KLC4: variants seen among roughly 807,000 people sequenced by gnomAD.
KLC4 encodes the protein kinesin-like protein 8.
Under a neutral mutation model 77.2 loss-of-function variants are expected in KLC4, and 49 were observed. That is an observed-to-expected ratio of 0.63 (90% CI 0.50 to 0.80). The LOEUF (loss-of-function observed/expected upper bound fraction) is 0.80. Among genes scored for constraint, KLC4 ranks in the 30% least tolerant of loss-of-function variants. KLC4 has a pLI of 0.00. For synonymous variants in KLC4, 274 were observed against 314.5 expected (o/e 0.87, Z 1.36); for missense variants, 669 against 793.5 (o/e 0.84, Z 1.89).
rs1218556426 is a variant in KLC4 at position 43,070,561 on chromosome 6, C to T, written c.981+106C>T. 5 of 1,382,794 alleles carry T rather than the reference C, an allele frequency of 3.6e-6. No individual in the cohort carries two copies. The East Asian group carries it at 7.0e-5, about 19-fold the overall frequency. 85.7% of individuals were successfully genotyped at this position (1,382,794 alleles called of 1,614,324 possible). On this transcript the variant is annotated intron_variant, in intron 7 of 15. Transcript: ENST00000347162. Reference sequence around the variant, plus strand: ...CACTTTTTTTTTCTCACCCCCATCTCTGCTTTGTTCTCTCTTCCTTCATTC... The same window carrying T: ...CACTTTTTTTTTCTCACCCCCATCTTTGCTTTGTTCTCTCTTCCTTCATTC...
At chr6:43,072,498 G>T (rs1765781702) in intron 12 of KLC4, among the ~76,000 whole-genome samples, 1 of 152,128 alleles carries the variant, frequency 6.6e-6, no homozygotes, top group Non-Finnish European at 1.5e-5. Context: ...GAGAAACCCT[G>T]CCCTTTCATA....
chr6:43,060,324 A>G (rs775991907), intron 1 of KLC4: 4 of 1,581,280 alleles, frequency 2.5e-6, no homozygotes, highest in Non-Finnish European at 3.5e-6. Flanking sequence ...CCTGGGAGAC[A>G]GTAGCTCCCT....
At chr6:43,060,674 G>T in intron 1 of KLC4, 1 of 1,052,168 alleles carries the variant, frequency 9.5e-7, no homozygotes, top group South Asian at 2.5e-5. Context: ...GAGTCCTGGG[G>T]GGTGGGAAGT....
intron 1 of KLC4, chr6:43,060,171 C>T (rs1392255622): frequency 6.2e-7 from 1 of 1,612,836 alleles, no homozygotes; most frequent in Admixed American, 1.7e-5. Flanking sequence ...TGATTCCTCT[C>T]AGAGCCTGTT....
In KLC4 at chr6:43,059,696, G is replaced by A. The variant is rs369401741; in HGVS notation, c.-26+11G>A. 4 of 1,312,346 alleles carry A rather than the reference G, an allele frequency of 3.0e-6. No homozygotes were observed. In the African/African-American group the frequency reaches 6.0e-5, roughly 20 times the overall value. 81.3% of individuals were successfully genotyped at this position (1,312,346 alleles called of 1,614,324 possible). On this transcript the variant is annotated intron_variant, in intron 1 of 15. Coordinates refer to ENST00000347162, the MANE Select transcript of KLC4 (RefSeq NM_201521.3). ...ACCGGCAGATTGCAGGTGAGTCTTT[G>A]AGGGTATCCTGGGGCTGAAGGTTAA...
At chr6:43,072,041 C>T (rs1236198861) in intron 11 of KLC4, 106 bp from the exon 12 acceptor site, 2 of 1,382,896 alleles carry the variant, frequency 1.4e-6, no homozygotes, top group South Asian at 1.2e-5. Flanking sequence ...AGCTCTGTTC[C>T]CTCTCCTATT....
chr6:43,059,668 C>T lies in KLC4; in HGVS notation c.-43C>T. 7.4e-7 allele frequency: 1 copy of T among 1,348,454 alleles called. No homozygotes were observed. The highest frequency in any genetic ancestry group is 9.5e-7 in the Non-Finnish European group (1 of 1,052,912). 83.5% of individuals were successfully genotyped at this position (1,348,454 alleles called of 1,614,324 possible). A position where few individuals can be genotyped will look rare whatever the true frequency, so the allele number is the denominator to read the frequency against. On this transcript the variant is annotated 5_prime_UTR_variant, in exon 1 of 16. Coordinates refer to ENST00000347162, the MANE Select transcript of KLC4 (RefSeq NM_201521.3). Reference sequence around the variant, plus strand: ...GGGCAGTACCGGCAAGAGCGGCAGCCACACCGGCAGATTGCAGGTGAGTCT... The same window carrying T: ...GGGCAGTACCGGCAAGAGCGGCAGCTACACCGGCAGATTGCAGGTGAGTCT...
In KLC4 at chr6:43,067,067, G is replaced by A. The variant is rs1358628186; in HGVS notation, c.863G>A (p.Gly288Glu). ...DALSIRESTL[G>E]PDHPAVAATL... ...CTTAGCATCCGGGAGAGCACCTTGG[G>A]ACCTGACCATCCTGCTGTCAGTATT... The change falls in exon 6 of 16, where the codon GGA becomes GAA. Residue 288 changes from glycine to glutamate, a missense_variant. Physicochemically the swap from Gly to Glu is moderately conservative, Grantham distance 98 (BLOSUM62 -2). Transcript: ENST00000347162. 1 of 1,613,922 alleles carries A rather than the reference G, an allele frequency of 6.2e-7. No individual in the cohort carries two copies. The highest frequency in any genetic ancestry group is 2.2e-5 in the East Asian group (1 of 44,886).
chr6:43,071,226 T>C, intron 8 of KLC4, 49 bp from the exon 9 acceptor site: 1 of 1,071,452 alleles, frequency 9.3e-7, no homozygotes, highest in South Asian at 1.4e-5. Context: ...AAAAAGACCT[T>C]GCCTCCCTCC....
Position 43,063,207 on chromosome 6 carries a change from G to C in KLC4, c.489+60G>C. On this transcript the variant is annotated intron_variant, in intron 3 of 15. Transcript: ENST00000347162. ...GGCAGCCGGGAGTTACCACAGACAT[G>C]GGGGCAATTGCCCCATCATCCTCAG... 3.1e-6 allele frequency: 4 copies of C among 1,279,128 alleles called. No homozygotes were observed. The South Asian group carries it at 5.3e-5, about 17-fold the overall frequency. 79.2% of individuals were successfully genotyped at this position (1,279,128 alleles called of 1,614,324 possible). A position where few individuals can be genotyped will look rare whatever the true frequency, so the allele number is the denominator to read the frequency against.
Position 43,063,240 on chromosome 6 carries a change from C to G in KLC4, c.489+93C>G, listed in dbSNP as rs550248550. ...TTGCCCCATCATCCTCAGGGTCCAT[C>G]AGCTCTACCCAACCTGCTCTCACCT... is the stretch of plus-strand genomic sequence containing the variant. On this transcript the variant is annotated intron_variant, in intron 3 of 15. Coordinates refer to ENST00000347162, the MANE Select transcript of KLC4 (RefSeq NM_201521.3). The G allele has an allele frequency of 2.7e-5, 25 of 915,234 alleles. No individual in the cohort carries two copies. The Admixed American group carries it at 4.2e-4, about 15-fold the overall frequency. 56.7% of individuals were successfully genotyped at this position (915,234 alleles called of 1,614,324 possible). A position where few individuals can be genotyped will look rare whatever the true frequency, so the allele number is the denominator to read the frequency against.
chr6:43,072,222 C>A lies in KLC4; in HGVS notation c.1455C>A (p.Thr485=). ...RRQGKLEAAE[T]LEECALRSRR... ...AGGGAAAGCTGGAGGCTGCTGAGAC[C>A]CTGGAGGAATGTGCCCTGCGGTCCC... The change falls in exon 12 of 16, where the codon ACC becomes ACA. Residue 485 remains threonine, a synonymous_variant. Coordinates refer to ENST00000347162, the MANE Select transcript of KLC4 (RefSeq NM_201521.3). 6.2e-7 allele frequency: 1 copy of A among 1,614,070 alleles called. No homozygotes were observed.
intron 1 of KLC4, chr6:43,060,502 T>G: frequency 7.5e-7 from 1 of 1,333,350 alleles, no homozygotes; most frequent in Non-Finnish European, 9.7e-7. Context: ...ACGCTGGACT[T>G]CTGGACTTTG....
In KLC4 at chr6:43,073,299, TG is replaced by T; in HGVS notation, c.1708del (p.Val570Ter). On this transcript the variant is annotated frameshift_variant, in exon 14 of 16. Transcript: ENST00000347162. LOFTEE classifies it high-confidence loss of function. ...GTGCTCCGCAGAAGCAGTGAACTCT[TG>T]GTGAGGAAGCTCCAGGGGACTGAGC... ...RDVLRRSSEL[L>X]VRKLQGTEPR... 6.2e-7 allele frequency: 1 copy of T among 1,614,040 alleles called. No individual in the cohort carries two copies. The highest frequency in any genetic ancestry group is 2.2e-5 in the East Asian group (1 of 44,866).
At chr6:43,069,071 G>A (rs1026724651) in intron 6 of KLC4, among the ~76,000 whole-genome samples, 2 of 152,022 alleles carry the variant, frequency 1.3e-5, no homozygotes, top group South Asian at 2.1e-4. Flanking sequence ...TCGCACCATT[G>A]CACTTCAACC....
At chr6:43,067,685 C>A (rs1292317700) in intron 6 of KLC4, among the ~76,000 whole-genome samples, 1 of 150,010 alleles carries the variant, frequency 6.7e-6, no homozygotes, top group Non-Finnish European at 1.5e-5. Context: ...GTCCTAGCTA[C>A]TCGGGAGGCT....
rs1429472742 is a variant in KLC4, at chr6:43,067,773, T to C, written c.879+690T>C. 1.0e-3 allele frequency among the ~76,000 whole-genome samples: 112 copies of C among 108,732 alleles called. No homozygotes were observed. In the Middle Eastern group the frequency reaches 0.023, roughly 22 times the overall value. 71.3% of individuals were successfully genotyped at this position (108,732 alleles called of 152,430 possible). On this transcript the variant is annotated intron_variant, in intron 6 of 15. Coordinates refer to ENST00000347162, the MANE Select transcript of KLC4 (RefSeq NM_201521.3). Reference sequence around the variant, plus strand: ...TCGTGCCATTGCACTCCAGCCAGGGTGACAGAGCGAGACTCCGTCTCAAAA... The same window carrying C: ...TCGTGCCATTGCACTCCAGCCAGGGCGACAGAGCGAGACTCCGTCTCAAAA...
At chr6:43,059,715 AG>A (rs1765034209) in intron 1 of KLC4, 30 bp downstream of exon 1, 1 of 1,277,378 alleles carries the variant, frequency 7.8e-7, no homozygotes. Context: ...CTGGGGCTGA[AG>A]GTTAAGGTCT....
In KLC4 at chr6:43,067,274, A is replaced by G. The variant is rs760047853; in HGVS notation, c.879+191A>G. On this transcript the variant is annotated intron_variant, in intron 6 of 15. Transcript: ENST00000347162. ...ATTCTCAATTCTCTGAGACTCAGTG[A>G]CTCCTTTTTATAACAAATATTTTGC... 6.4e-5 allele frequency: 79 copies of G among 1,239,402 alleles called. No homozygotes were observed. In the South Asian group the frequency reaches 1.5e-3, roughly 23 times the overall value. The allele number at this position is 1,239,402 out of a possible 1,614,324, so 76.8% of individuals were successfully genotyped here. A position where few individuals can be genotyped will look rare whatever the true frequency, so the allele number is the denominator to read the frequency against.
Sources: gnomAD v4.1 joint callset for allele counts (sites outside exome capture counted in the v4.1 genomes callset) on GRCh38, gnomAD v4.1.1 for gene constraint, MANE v1.5 for transcripts, NCBI Gene and HGNC (gene_info 2026-07-23, HGNC 2026-07-21) for gene names.